GRM5: variants seen among roughly 807,000 people sequenced by gnomAD.
GRM5 encodes the protein glutamate metabotropic receptor 5, also known as metabotropic glutamate receptor 5.
GRM5 carries 19 observed loss-of-function variants against 83.1 expected under a neutral mutation model. The observed-to-expected ratio is 0.23, with a 90% CI of 0.16 to 0.34. The LOEUF is 0.34. Ranked by LOEUF, GRM5 falls within the 10% of genes least tolerant of loss-of-function variation. GRM5 has a pLI of 1.00. For synonymous variants in GRM5, 675 were observed against 633.6 expected, an observed-to-expected ratio of 1.07 and a Z score of -0.98; for missense variants, 1,160 against 1,588.3, an observed-to-expected ratio of 0.73 and a Z score of 4.58.
chr11:88,682,130 T>A (rs1283785426), intron 3 of GRM5, among the ~76,000 whole-genome samples: 1 of 152,164 alleles, frequency 6.6e-6, no homozygotes, highest in Non-Finnish European at 1.5e-5. Context: ...GGGCCTCCAA[T>A]AGATAACTTA....
At chr11:89,012,091 G>A (rs1940717636) in intron 2 of GRM5, among the ~76,000 whole-genome samples, 1 of 151,978 alleles carries the variant, frequency 6.6e-6, no homozygotes, top group African/African-American at 2.4e-5. Flanking sequence ...AAAAAAGGGT[G>A]GGAAAAAGAG....
chr11:88,633,803 G>A (rs537050856), intron 4 of GRM5, among the ~76,000 whole-genome samples: 3 of 152,050 alleles, frequency 2.0e-5, no homozygotes, highest in African/African-American at 7.2e-5. Context: ...TTATAAACAC[G>A]AGCCACCGTA....
chr11:88,835,952 G>A (rs1233904286), intron 3 of GRM5, among the ~76,000 whole-genome samples: 2 of 151,942 alleles, frequency 1.3e-5, no homozygotes, highest in Non-Finnish European at 2.9e-5. Flanking sequence ...TGAGAATCAC[G>A]GCATTCAAGC....
At chr11:88,798,820 A>AAAAAAAAAAAAC (rs1555017418) in intron 3 of GRM5, among the ~76,000 whole-genome samples, 7 of 136,276 alleles carry the variant, frequency 5.1e-5, no homozygotes, top group Admixed American at 7.6e-5. Flanking sequence ...AAAAAAAAAA[A>AAAAAAAAAAAAC]AAAAAAACAA....
chr11:88,721,569 A>C (rs1179762865), intron 3 of GRM5, among the ~76,000 whole-genome samples: 1 of 152,122 alleles, frequency 6.6e-6, no homozygotes, highest in Non-Finnish European at 1.5e-5. Context: ...TGTTAATATA[A>C]ATGTTAATAA....
chr11:88,791,139 A>G (rs576932255), intron 3 of GRM5, among the ~76,000 whole-genome samples: 26 of 152,168 alleles, frequency 1.7e-4, no homozygotes, highest in Non-Finnish European at 2.8e-4. Flanking sequence ...TCCTTAATTA[A>G]AATTTAGGGA....
intron 2 of GRM5, among the ~76,000 whole-genome samples, chr11:89,035,057 C>G (rs1240605091): frequency 6.6e-6 from 1 of 151,402 alleles, no homozygotes; most frequent in Non-Finnish European, 1.5e-5. Context: ...ATCAGTTATT[C>G]TCATCCAAAT....
At chr11:88,710,331 C>T (rs1175663683) in intron 3 of GRM5, among the ~76,000 whole-genome samples, 2 of 152,158 alleles carry the variant, frequency 1.3e-5, no homozygotes, top group South Asian at 2.1e-4. Context: ...TTTATTGAAG[C>T]CCCTTGTATT....
chr11:88,922,134 T>A (rs1394221058), intron 2 of GRM5, among the ~76,000 whole-genome samples: 2 of 152,162 alleles, frequency 1.3e-5, no homozygotes, highest in Non-Finnish European at 2.9e-5. Flanking sequence ...ATTGGAAGAT[T>A]TAACATTGTT....
chr11:88,727,647 C>T (rs1941713201), intron 3 of GRM5, among the ~76,000 whole-genome samples: 1 of 152,178 alleles, frequency 6.6e-6, no homozygotes, highest in African/African-American at 2.4e-5. Flanking sequence ...GTAAAACACA[C>T]TTCAGCAAAT....
At chr11:88,704,117 T>G (rs1229155623) in intron 3 of GRM5, among the ~76,000 whole-genome samples, 1 of 152,004 alleles carries the variant, frequency 6.6e-6, no homozygotes, top group East Asian at 1.9e-4. Context: ...TCTTGTCTCT[T>G]TCTCTTTCTA....
At chr11:88,967,847 C>T (rs572784870) in intron 2 of GRM5, among the ~76,000 whole-genome samples, 2 of 151,896 alleles carry the variant, frequency 1.3e-5, no homozygotes, top group Non-Finnish European at 2.9e-5. Flanking sequence ...GAAGATGCAC[C>T]CAAGACAGAC....
intron 2 of GRM5, among the ~76,000 whole-genome samples, chr11:88,875,327 C>A (rs1944833880): frequency 6.6e-6 from 1 of 152,008 alleles, no homozygotes; most frequent in African/African-American, 2.4e-5. Flanking sequence ...AACTTCTCAT[C>A]CACTCAAGTT....
At chr11:89,045,948 C>T (rs1032669573) in intron 2 of GRM5, among the ~76,000 whole-genome samples, 13 of 152,062 alleles carry the variant, frequency 8.5e-5, no homozygotes, top group African/African-American at 3.1e-4. Flanking sequence ...TGTAAGATTC[C>T]CACCATGACC....
At chr11:88,573,439 C>T (rs1943046480) in intron 7 of GRM5, among the ~76,000 whole-genome samples, 1 of 152,128 alleles carries the variant, frequency 6.6e-6, no homozygotes, top group South Asian at 2.1e-4. Context: ...CCAAGTGTCT[C>T]TTCAGGGAGA....
chr11:88,793,486 T>C (rs575842468), intron 3 of GRM5, among the ~76,000 whole-genome samples: 2 of 152,310 alleles, frequency 1.3e-5, no homozygotes, highest in South Asian at 2.1e-4. Context: ...ATTTAAGATA[T>C]GGTATATTTT....
At chr11:88,981,053 C>A (rs957895214) in intron 2 of GRM5, among the ~76,000 whole-genome samples, 5 of 151,876 alleles carry the variant, frequency 3.3e-5, no homozygotes, top group Admixed American at 3.3e-4. Flanking sequence ...TGGTTAGGAA[C>A]TATTTTTTGC....
intron 3 of GRM5, among the ~76,000 whole-genome samples, chr11:88,837,713 A>C (rs192993362): frequency 5.7e-4 from 87 of 152,214 alleles, no homozygotes; most frequent in Non-Finnish European, 9.6e-4. Flanking sequence ...CAGTTGTCAG[A>C]CCTACAGCAC....
intron 2 of GRM5, among the ~76,000 whole-genome samples, chr11:88,964,556 A>G (rs1256128049): frequency 2.0e-5 from 3 of 152,190 alleles, no homozygotes; most frequent in Non-Finnish European, 4.4e-5. Flanking sequence ...CCAATAAACA[A>G]ATAGACAGAC....
Sources: gnomAD v4.1 joint callset for allele counts (sites outside exome capture counted in the v4.1 genomes callset) on GRCh38, gnomAD v4.1.1 for gene constraint, MANE v1.5 for transcripts, NCBI Gene and HGNC (gene_info 2026-07-23, HGNC 2026-07-21) for gene names.